IQGAP2: variants seen among roughly 807,000 people sequenced by gnomAD.
The protein encoded by IQGAP2 is IQ motif containing GTPase activating protein 2, also known as ras GTPase-activating-like protein IQGAP2.
In IQGAP2, 173 loss-of-function variants were observed where a neutral mutation model predicts 201.3. That is an observed-to-expected ratio of 0.86 (90% CI 0.76 to 0.98). The LOEUF is 0.98. IQGAP2 is among the 50% of genes least tolerant of loss of function. IQGAP2 has a pLI of 0.00. For missense variants in IQGAP2, 1,687 were observed against 1,864.8 expected (o/e 0.90, Z 1.76); for synonymous variants, 675 against 673.9 (o/e 1.00, Z -0.03).
rs542439950 is a variant in IQGAP2, at chr5:76,475,002, G to A, written c.146+13333G>A. 6.6e-5 allele frequency among the ~76,000 whole-genome samples: 10 copies of A among 152,276 alleles called. No homozygotes were observed. The South Asian group carries it at 1.7e-3, about 25-fold the overall frequency. On this transcript the variant is annotated intron_variant, in intron 2 of 35. Transcript: ENST00000274364. Reference sequence around the variant, plus strand: ...GCTGGGATTACAGGCATAAGCCACCGCGTCCGGCTGAGGTCTGCCTTTTAA... The same window carrying A: ...GCTGGGATTACAGGCATAAGCCACCACGTCCGGCTGAGGTCTGCCTTTTAA...
intron 13 of IQGAP2, chr5:76,623,380 T>G: frequency 1.2e-6 from 1 of 806,780 alleles, no homozygotes; most frequent in Non-Finnish European, 2.0e-6. Flanking sequence ...GCAGGAAACT[T>G]GCCCTGGTCC....
At chr5:76,420,678 G>A (rs1268033575) in intron 1 of IQGAP2, among the ~76,000 whole-genome samples, 1 of 151,982 alleles carries the variant, frequency 6.6e-6, no homozygotes, top group Non-Finnish European at 1.5e-5. Context: ...CCCAGCCTCT[G>A]GAACTTTTTT....
intron 3 of IQGAP2, among the ~76,000 whole-genome samples, chr5:76,563,990 C>CTTTTTTTTTTTTTTTTTTTTTT (rs1744561701): frequency 6.6e-6 from 1 of 151,926 alleles, no homozygotes; most frequent in African/African-American, 2.4e-5. Flanking sequence ...GTCTGTTTTT[C>CTTTTTTTTTTTTTTTTTTTTTT]TAGTCTGGTC....
At chr5:76,425,611 A>G (rs1016250999) in intron 1 of IQGAP2, among the ~76,000 whole-genome samples, 5 of 152,166 alleles carry the variant, frequency 3.3e-5, no homozygotes, top group Admixed American at 3.3e-4. Flanking sequence ...CATTTTTCCC[A>G]GAGAGACTTG....
At chr5:76,694,830 T>C (rs1746581034) in intron 31 of IQGAP2, among the ~76,000 whole-genome samples, 1 of 152,256 alleles carries the variant, frequency 6.6e-6, no homozygotes, top group Non-Finnish European at 1.5e-5. Flanking sequence ...TTGTTACTGT[T>C]TCCTTGAACA....
Position 76,600,827 on chromosome 5 carries a change from G to C in IQGAP2, c.1087G>C (p.Glu363Gln). ...TTTCCAACAGAACTACTTGGCCCAC[G>C]AGGAGCTTTTGATTGCTGTGGAAAT... ...KQNTMNYLAH[E>Q]ELLIAVEMLS... The change falls in exon 11 of 36, where the codon GAG becomes CAG. Residue 363 changes from glutamate (E) to glutamine (Q), a missense_variant. By Grantham distance (29) the Glu-to-Gln change is conservative. Transcript: ENST00000274364. 1 of 1,614,072 alleles carries C rather than the reference G, an allele frequency of 6.2e-7. No homozygotes were observed. The highest frequency in any genetic ancestry group is 8.5e-7 in the Non-Finnish European group (1 of 1,179,956).
chr5:76,490,162 G>A (rs1038310117), intron 2 of IQGAP2, among the ~76,000 whole-genome samples: 1 of 152,148 alleles, frequency 6.6e-6, no homozygotes, highest in African/African-American at 2.4e-5. Context: ...AGGAAGACAG[G>A]TTTTATGTTA....
chr5:76,695,857 T>TTTC (rs1160198072), intron 32 of IQGAP2, among the ~76,000 whole-genome samples, 191 bp downstream of exon 32: 3 of 148,988 alleles, frequency 2.0e-5, no homozygotes, highest in Non-Finnish European at 4.4e-5. Flanking sequence ...TTTTTTTTTT[T>TTTC]TGAGTTGGAG....
chr5:76,682,742 T>TA (rs1342937163), intron 28 of IQGAP2, among the ~76,000 whole-genome samples: 5 of 152,204 alleles, frequency 3.3e-5, no homozygotes, highest in Non-Finnish European at 7.3e-5. Flanking sequence ...CATAGAGATG[T>TA]AAATGCCCTT....
chr5:76,628,163 C>T (rs10069799), intron 14 of IQGAP2, among the ~76,000 whole-genome samples: 4 of 152,328 alleles, frequency 2.6e-5, no homozygotes, highest in Admixed American at 2.0e-4. Context: ...CACCCCTCCC[C>T]CAAAGGGACC....
intron 1 of IQGAP2, among the ~76,000 whole-genome samples, chr5:76,434,971 CA>C (rs1752572340): frequency 6.6e-6 from 1 of 151,554 alleles, no homozygotes; most frequent in African/African-American, 2.4e-5. Flanking sequence ...AGCATTTTTT[CA>C]TGTGTTTGTT....
chr5:76,419,078 G>T (rs181241747), intron 1 of IQGAP2, among the ~76,000 whole-genome samples: 1 of 152,276 alleles, frequency 6.6e-6, no homozygotes, highest in East Asian at 1.9e-4. Flanking sequence ...CCTGGATATT[G>T]TCACTATCCT....
intron 1 of IQGAP2, among the ~76,000 whole-genome samples, chr5:76,410,869 T>C (rs764074079): frequency 9.9e-5 from 15 of 152,242 alleles, no homozygotes; most frequent in Non-Finnish European, 1.8e-4. Flanking sequence ...ATTTAGACTT[T>C]TTGTGGGATT....
chr5:76,506,300 T>A (rs1757602426), intron 2 of IQGAP2, among the ~76,000 whole-genome samples: 1 of 152,220 alleles, frequency 6.6e-6, no homozygotes, highest in South Asian at 2.1e-4. Flanking sequence ...CTCATTCTCA[T>A]ACCCTATCTA....
chr5:76,675,414 A>G (rs992015932), intron 27 of IQGAP2, among the ~76,000 whole-genome samples: 2 of 152,208 alleles, frequency 1.3e-5, no homozygotes, highest in African/African-American at 2.4e-5. Context: ...CCCAGATTTT[A>G]TATTTGTTGA....
intron 2 of IQGAP2, among the ~76,000 whole-genome samples, chr5:76,534,862 C>G (rs1375849188): frequency 6.6e-6 from 1 of 152,204 alleles, no homozygotes; most frequent in Non-Finnish European, 1.5e-5. Context: ...CTTTTAAACC[C>G]TCTTGTGTTT....
chr5:76,485,717 G>T (rs1416392443), intron 2 of IQGAP2, among the ~76,000 whole-genome samples: 1 of 152,208 alleles, frequency 6.6e-6, no homozygotes, highest in Non-Finnish European at 1.5e-5. Context: ...CAGATCCTGA[G>T]TGTGTCATCC....
At chr5:76,499,568 G>A (rs1757163828) in intron 2 of IQGAP2, among the ~76,000 whole-genome samples, 1 of 152,118 alleles carries the variant, frequency 6.6e-6, no homozygotes, top group South Asian at 2.1e-4. Context: ...CATGTTGTCT[G>A]TGCAGTTTTT....
intron 1 of IQGAP2, among the ~76,000 whole-genome samples, chr5:76,460,400 G>A (rs532544541): frequency 9.8e-4 from 149 of 152,280 alleles, no homozygotes; most frequent in African/African-American, 3.4e-3. Flanking sequence ...CCTGGATGTG[G>A]GGAGATGCAA....
Sources: allele counts gnomAD v4.1 joint callset (sites outside exome capture counted in the v4.1 genomes callset), GRCh38; gene constraint gnomAD v4.1.1; transcripts MANE v1.5; gene names NCBI Gene and HGNC (gene_info 2026-07-23, HGNC 2026-07-21).